The following CNTN6 variants were observed in gnomAD, a reference collection of about 807,000 sequenced individuals.
CNTN6 encodes contactin 6.
Under a neutral mutation model 122.8 loss-of-function variants are expected in CNTN6, and 137 were observed. That is an observed-to-expected ratio of 1.12 (90% CI 0.97 to 1.29). The LOEUF is 1.29. Ranked by LOEUF, CNTN6 falls within the 50% of genes most tolerant of loss-of-function variation. The probability of loss-of-function intolerance (pLI) is 0.00; values close to 1 mark genes in which losing one functional copy is unlikely to be tolerated. For missense variants in CNTN6, 1,634 were observed against 1,223.4 expected (o/e 1.34, Z -5.01); for synonymous variants, 570 against 426.0 (o/e 1.34, Z -4.16).
intron 2 of CNTN6, among the ~76,000 whole-genome samples, chr3:1,160,195 A>G (rs890631809): frequency 3.9e-5 from 6 of 151,972 alleles, no homozygotes; most frequent in African/African-American, 9.7e-5. Flanking sequence ...TGTCAGTTCA[A>G]TGAATTTTCA....
chr3:1,328,007 C>G (rs911465034), intron 10 of CNTN6, among the ~76,000 whole-genome samples: 2 of 151,858 alleles, frequency 1.3e-5, no homozygotes, highest in Non-Finnish European at 2.9e-5. Flanking sequence ...CTCAACTTGA[C>G]AAAATCCTTT....
chr3:1,366,753 C>T (rs1243969829), intron 12 of CNTN6, among the ~76,000 whole-genome samples: 1 of 152,076 alleles, frequency 6.6e-6, no homozygotes, highest in Non-Finnish European at 1.5e-5. Flanking sequence ...CAGCCATCTG[C>T]ACAGGATGAG....
At chr3:1,351,839 C>A (rs868844727) in intron 11 of CNTN6, among the ~76,000 whole-genome samples, 152 of 151,992 alleles carry the variant, frequency 1.0e-3, no homozygotes, top group African/African-American at 3.5e-3. Flanking sequence ...TCAGCACTGG[C>A]AAATACTGTC....
intron 20 of CNTN6, among the ~76,000 whole-genome samples, chr3:1,387,590 A>G (rs910154240): frequency 6.6e-6 from 1 of 152,164 alleles, no homozygotes; most frequent in Non-Finnish European, 1.5e-5. Flanking sequence ...CCGAATAGGA[A>G]CAGCTCCGGT....
chr3:1,217,295 T>A (rs2094142656), intron 2 of CNTN6, among the ~76,000 whole-genome samples: 1 of 152,160 alleles, frequency 6.6e-6, no homozygotes, highest in Admixed American at 6.5e-5. Context: ...TGACTATGGG[T>A]TAACATAGGA....
At chr3:1,093,667 C>A (rs370680508) in intron 1 of CNTN6, among the ~76,000 whole-genome samples, 1 of 152,002 alleles carries the variant, frequency 6.6e-6, no homozygotes, top group African/African-American at 2.4e-5. Flanking sequence ...ATGGGCTCAC[C>A]AAATTTTGTC....
chr3:1,333,311 G>A (rs965363276), intron 11 of CNTN6, among the ~76,000 whole-genome samples: 4 of 151,928 alleles, frequency 2.6e-5, no homozygotes, highest in South Asian at 2.1e-4. Context: ...CCCATTTTCC[G>A]AATTTACAGT....
intron 17 of CNTN6, among the ~76,000 whole-genome samples, chr3:1,380,353 A>G (rs904441600): frequency 6.6e-6 from 1 of 150,740 alleles, no homozygotes; most frequent in African/African-American, 2.5e-5. Context: ...TTTTTTGTTT[A>G]TTTGTTTTGA....
intron 7 of CNTN6, among the ~76,000 whole-genome samples, chr3:1,302,573 C>T (rs1013070447): frequency 3.3e-5 from 5 of 151,964 alleles, no homozygotes; most frequent in Admixed American, 3.3e-4. Flanking sequence ...GCTCCAGTGC[C>T]AGATCTTATT....
At chr3:1,169,022 G>A (rs1366944768) in intron 2 of CNTN6, among the ~76,000 whole-genome samples, 23 of 152,136 alleles carry the variant, frequency 1.5e-4, no homozygotes, top group Admixed American at 1.2e-3. Context: ...TCACTCATCC[G>A]TGGAGACAAA....
chr3:1,314,616 A>G (rs1699840642), intron 7 of CNTN6, among the ~76,000 whole-genome samples: 1 of 152,038 alleles, frequency 6.6e-6, no homozygotes, highest in South Asian at 2.1e-4. Flanking sequence ...ATCAGGATGA[A>G]CTAGGTCAGA....
chr3:1,314,923 C>G (rs1199089633), intron 7 of CNTN6, among the ~76,000 whole-genome samples: 3 of 151,958 alleles, frequency 2.0e-5, no homozygotes, highest in African/African-American at 7.2e-5. Flanking sequence ...AATCCCTCAT[C>G]TATGGTCTGA....
chr3:1,389,207 C>T (rs1693699997), intron 20 of CNTN6, among the ~76,000 whole-genome samples: 1 of 151,456 alleles, frequency 6.6e-6, no homozygotes, highest in Non-Finnish European at 1.5e-5. Flanking sequence ...AGACTAACAG[C>T]AGATCTCTCG....
At chr3:1,211,993 T>C (rs564702031) in intron 2 of CNTN6, among the ~76,000 whole-genome samples, 5 of 152,244 alleles carry the variant, frequency 3.3e-5, no homozygotes. Flanking sequence ...AGAATGTCAC[T>C]GCATTCGAAT....
At chr3:1,397,071 C>T (rs974234545) in intron 20 of CNTN6, among the ~76,000 whole-genome samples, 3 of 152,138 alleles carry the variant, frequency 2.0e-5, no homozygotes, top group Non-Finnish European at 4.4e-5. Context: ...TTTGTTTTCT[C>T]ACATGATCAT....
intron 7 of CNTN6, among the ~76,000 whole-genome samples, chr3:1,308,797 G>A (rs1575640721): frequency 6.6e-6 from 1 of 151,618 alleles, no homozygotes; most frequent in Non-Finnish European, 1.5e-5. Context: ...TATTGTGTGT[G>A]TTTTTGTTTT....
At chr3:1,158,369 T>A (rs951455706) in intron 2 of CNTN6, among the ~76,000 whole-genome samples, 21 of 152,214 alleles carry the variant, frequency 1.4e-4, no homozygotes, top group Non-Finnish European at 8.8e-5. Context: ...TGCCCATTTT[T>A]TAATCGCATT....
At chr3:1,293,571 T>C (rs80086342) in intron 5 of CNTN6, among the ~76,000 whole-genome samples, 1 of 152,290 alleles carries the variant, frequency 6.6e-6, no homozygotes, top group Non-Finnish European at 1.5e-5. Context: ...ATGTCTTGCT[T>C]CCGTGCCAGT....
intron 6 of CNTN6, among the ~76,000 whole-genome samples, chr3:1,296,379 T>A (rs1696239867): frequency 6.6e-6 from 1 of 152,130 alleles, no homozygotes. Context: ...TTCACACTAG[T>A]CTCTGACGAG....
Sources: gnomAD v4.1 joint callset for allele counts (sites outside exome capture counted in the v4.1 genomes callset) on GRCh38, gnomAD v4.1.1 for gene constraint, MANE v1.5 for transcripts, NCBI Gene and HGNC (gene_info 2026-07-23, HGNC 2026-07-21) for gene names.